SDCCAG8: variants seen among roughly 807,000 people sequenced by gnomAD.
The protein encoded by SDCCAG8 is serologically defined colon cancer antigen 8.
A neutral mutation model predicts 101.8 loss-of-function variants in SDCCAG8; 74 were observed. That is an observed-to-expected ratio of 0.73 (90% CI 0.60 to 0.88). SDCCAG8 has a LOEUF of 0.88. SDCCAG8 is among the 40% of genes least tolerant of loss of function. The pLI, the probability that SDCCAG8 is intolerant of heterozygous loss-of-function variation, is 0.00. For missense variants in SDCCAG8, 787 were observed against 822.6 expected, an observed-to-expected ratio of 0.96 and a Z score of 0.53; for synonymous variants, 281 against 292.9, an observed-to-expected ratio of 0.96 and a Z score of 0.41.
chr1:243,283,259 G>T (rs577785232), intron 4 of SDCCAG8, among the ~76,000 whole-genome samples: 2 of 151,738 alleles, frequency 1.3e-5, no homozygotes, highest in South Asian at 2.1e-4. Flanking sequence ...GTATTTTTGG[G>T]GGGTATTTAT....
At chr1:243,446,514 C>T (rs1224050778) in intron 16 of SDCCAG8, among the ~76,000 whole-genome samples, 1 of 152,204 alleles carries the variant, frequency 6.6e-6, no homozygotes, top group Non-Finnish European at 1.5e-5. Flanking sequence ...CATCTGCCCA[C>T]CTTGGCCTCC....
intron 4 of SDCCAG8, among the ~76,000 whole-genome samples, chr1:243,278,930 A>C (rs1369017358): frequency 6.6e-6 from 1 of 151,990 alleles, no homozygotes; most frequent in Non-Finnish European, 1.5e-5. Context: ...CCACAGGTGC[A>C]CACCACCATG....
At chr1:243,280,995 T>A (rs2068983128) in intron 4 of SDCCAG8, among the ~76,000 whole-genome samples, 1 of 152,214 alleles carries the variant, frequency 6.6e-6, no homozygotes, top group Non-Finnish European at 1.5e-5. Context: ...ATGTTGAAAT[T>A]TCCAACTGTA....
chr1:243,365,402 T>G (rs776799030), intron 12 of SDCCAG8, among the ~76,000 whole-genome samples: 54 of 152,156 alleles, frequency 3.5e-4, no homozygotes, highest in Non-Finnish European at 6.5e-4. Context: ...AGAACAGAAA[T>G]TGTATTTGCT....
Position 243,452,410 on chromosome 1 carries a change from A to T in SDCCAG8, c.1985+25852A>T, listed in dbSNP as rs201594842. On this transcript the variant is annotated intron_variant, in intron 16 of 17. Coordinates refer to ENST00000366541, the MANE Select transcript of SDCCAG8 (RefSeq NM_006642.5). ...TTCTCCCTACCCTTGAGATGATCTC[A>T]TCTCTTTTTTTTTTTTTTTTTTTTT... Among the ~76,000 whole-genome samples the T allele has an allele frequency of 5.9e-4, 55 of 92,582 alleles. 2 individuals are homozygous for T. Among genetic ancestry groups the T allele is most frequent in the African/African-American group, 1.3e-3 (25 of 19,632 alleles). 60.7% of individuals were successfully genotyped at this position (92,582 alleles called of 152,430 possible). A position where few individuals can be genotyped will look rare whatever the true frequency, so the allele number is the denominator to read the frequency against.
intron 16 of SDCCAG8, among the ~76,000 whole-genome samples, chr1:243,457,675 A>T (rs1031189332): frequency 2.0e-5 from 3 of 152,224 alleles, no homozygotes; most frequent in Non-Finnish European, 4.4e-5. Flanking sequence ...CATGCATTTT[A>T]TGAAGCTTTT....
intron 16 of SDCCAG8, among the ~76,000 whole-genome samples, chr1:243,439,480 C>T (rs1049180309): frequency 1.6e-4 from 25 of 152,070 alleles, no homozygotes; most frequent in African/African-American, 6.0e-4. Context: ...AAAAAATTAA[C>T]CAGGTGGGAT....
At chr1:243,499,601 C>T in intron 17 of SDCCAG8, 155 bp from the exon 18 acceptor site, 4 of 696,940 alleles carry the variant, frequency 5.7e-6, no homozygotes, top group Non-Finnish European at 1.0e-5. Flanking sequence ...CAAGATGAGG[C>T]ACAAACTTTT....
intron 12 of SDCCAG8, among the ~76,000 whole-genome samples, chr1:243,358,297 T>A (rs890363430): frequency 6.6e-6 from 1 of 152,114 alleles, no homozygotes; most frequent in East Asian, 1.9e-4. Context: ...AGACTTTTTT[T>A]AAAGAAGATA....
At chr1:243,259,343 C>CT (rs1049069619) in intron 1 of SDCCAG8, among the ~76,000 whole-genome samples, 3 of 150,984 alleles carry the variant, frequency 2.0e-5, no homozygotes, top group Non-Finnish European at 3.0e-5. Flanking sequence ...GGAGGTGGAG[C>CT]TTGCAGTGAG....
At chr1:243,266,973 G>C (rs1440237125) in intron 1 of SDCCAG8, among the ~76,000 whole-genome samples, 5 of 150,154 alleles carry the variant, frequency 3.3e-5, no homozygotes, top group South Asian at 2.1e-4. Flanking sequence ...TGCTGGGCGC[G>C]GTGGCTCACG....
chr1:243,420,952 A>AGGAGTGTG (rs900994953), intron 15 of SDCCAG8, among the ~76,000 whole-genome samples: 59 of 152,226 alleles, frequency 3.9e-4, no homozygotes, highest in African/African-American at 1.4e-3. Flanking sequence ...GAAGCCCTCC[A>AGGAGTGTG]GGAGTGTGCC....
At chr1:243,269,543 G>C (rs983184218) in intron 1 of SDCCAG8, among the ~76,000 whole-genome samples, 1 of 151,892 alleles carries the variant, frequency 6.6e-6, no homozygotes, top group African/African-American at 2.4e-5. Flanking sequence ...CTGTACCGCC[G>C]GGGCTGCCAC....
chr1:243,494,591 T>C (rs1479366798), intron 17 of SDCCAG8, among the ~76,000 whole-genome samples: 1 of 152,190 alleles, frequency 6.6e-6, no homozygotes, highest in Non-Finnish European at 1.5e-5. Context: ...ATAATTAATA[T>C]TGAAAAGCGC....
At chr1:243,262,550 G>A (rs953765355) in intron 1 of SDCCAG8, among the ~76,000 whole-genome samples, 5 of 152,216 alleles carry the variant, frequency 3.3e-5, no homozygotes, top group African/African-American at 9.6e-5. Flanking sequence ...AGAAATGAGT[G>A]TTCTACAAGT....
intron 7 of SDCCAG8, among the ~76,000 whole-genome samples, chr1:243,306,894 T>C (rs754787720): frequency 1.7e-4 from 26 of 151,990 alleles, no homozygotes; most frequent in Admixed American, 2.6e-4. Flanking sequence ...TCTCAACAGT[T>C]GTCTGACAGC....
At chr1:243,491,700 C>T (rs1053690806) in intron 17 of SDCCAG8, among the ~76,000 whole-genome samples, 28 of 152,216 alleles carry the variant, frequency 1.8e-4, no homozygotes, top group African/African-American at 4.3e-4. Flanking sequence ...ATGATGTGGG[C>T]GAGGCTGCTG....
At chr1:243,445,706 A>G (rs1327201428) in intron 16 of SDCCAG8, among the ~76,000 whole-genome samples, 1 of 152,240 alleles carries the variant, frequency 6.6e-6, no homozygotes, top group African/African-American at 2.4e-5. Flanking sequence ...AAACTAAGTG[A>G]GGACATAAAG....
At chr1:243,470,771 G>T (rs548685722) in intron 16 of SDCCAG8, among the ~76,000 whole-genome samples, 1 of 152,222 alleles carries the variant, frequency 6.6e-6, no homozygotes, top group South Asian at 2.1e-4. Context: ...CCCTCCTGTG[G>T]CAAGACAGCA....
Sources: gnomAD v4.1 joint callset for allele counts (sites outside exome capture counted in the v4.1 genomes callset) on GRCh38, gnomAD v4.1.1 for gene constraint, MANE v1.5 for transcripts, NCBI Gene and HGNC (gene_info 2026-07-23, HGNC 2026-07-21) for gene names.